Variants in INTS4 observed in about 807,000 individuals in gnomAD.
The protein encoded by INTS4 is MSTP093.
Under a neutral mutation model 119.5 loss-of-function variants are expected in INTS4, and 70 were observed. The ratio of observed to expected loss-of-function variants is 0.59; its 90% CI spans 0.48 to 0.71. The LOEUF is 0.71. Among genes scored for constraint, INTS4 ranks in the 30% least tolerant of loss-of-function variants. The probability of loss-of-function intolerance (pLI) is 0.00; values close to 1 mark genes in which losing one functional copy is unlikely to be tolerated. For missense variants in INTS4, 867 were observed against 1,173.2 expected (o/e 0.74, Z 3.81); for synonymous variants, 316 against 419.6 (o/e 0.75, Z 3.02).
At chr11:77,944,269 G>C (rs1358816253) in intron 8 of INTS4, among the ~76,000 whole-genome samples, 5 of 152,118 alleles carry the variant, frequency 3.3e-5, no homozygotes, top group African/African-American at 1.2e-4. Context: ...GCAGAACCTG[G>C]CTTCTGTTTT....
chr11:77,932,331 A>G (rs1417754588), intron 10 of INTS4, among the ~76,000 whole-genome samples: 2 of 152,372 alleles, frequency 1.3e-5, no homozygotes, highest in Middle Eastern at 3.4e-3. Flanking sequence ...GAAGACATTT[A>G]TGCGACCAAC....
At chr11:77,948,225 C>A (rs181800709) in intron 8 of INTS4, among the ~76,000 whole-genome samples, 1 of 152,134 alleles carries the variant, frequency 6.6e-6, no homozygotes, top group African/African-American at 2.4e-5. Context: ...GAAAATAAAG[C>A]GTGGCCCCAC....
At chr11:77,920,768 A>C (rs1591058040) in intron 14 of INTS4, among the ~76,000 whole-genome samples, 1 of 151,814 alleles carries the variant, frequency 6.6e-6, no homozygotes, top group East Asian at 1.9e-4. Context: ...AGGAGAATGG[A>C]GTGAACCTGG....
At chr11:77,917,020 G>A (rs752488176) in intron 15 of INTS4, among the ~76,000 whole-genome samples, 1 of 152,214 alleles carries the variant, frequency 6.6e-6, no homozygotes, top group Non-Finnish European at 1.5e-5. Context: ...TCAGTTGGCT[G>A]GCTTTATAAC....
intron 4 of INTS4, among the ~76,000 whole-genome samples, chr11:77,965,148 G>A (rs971933661): frequency 6.6e-6 from 1 of 151,926 alleles, no homozygotes; most frequent in African/African-American, 2.4e-5. Context: ...ACATAGCCTG[G>A]AACTCCTGGG....
chr11:77,910,196 A>G (rs1007242050), intron 15 of INTS4, among the ~76,000 whole-genome samples: 10 of 152,278 alleles, frequency 6.6e-5, no homozygotes, highest in African/African-American at 2.4e-4. Context: ...ACCAAGCCAA[A>G]TGTCCAACAA....
chr11:77,986,564 A>G (rs1263678438), intron 2 of INTS4, among the ~76,000 whole-genome samples: 1 of 152,220 alleles, frequency 6.6e-6, no homozygotes, highest in Admixed American at 6.5e-5. Context: ...ACTATTCACA[A>G]GAGCAAAGAC....
At chr11:77,945,814 C>T (rs1374333041) in intron 8 of INTS4, among the ~76,000 whole-genome samples, 3 of 152,174 alleles carry the variant, frequency 2.0e-5, no homozygotes, top group Admixed American at 1.3e-4. Flanking sequence ...AAACTGGCCA[C>T]GATAGAGTCC....
intron 15 of INTS4, among the ~76,000 whole-genome samples, chr11:77,913,466 C>T (rs1953134593): frequency 6.6e-6 from 1 of 151,998 alleles, no homozygotes; most frequent in South Asian, 2.1e-4. Flanking sequence ...CACCCGCCAC[C>T]ACGCCTGGCT....
At chr11:77,905,317 C>T (rs1291702461) in intron 16 of INTS4, among the ~76,000 whole-genome samples, 7 of 151,958 alleles carry the variant, frequency 4.6e-5, no homozygotes, top group South Asian at 2.1e-4. Context: ...ATTAGCCAGG[C>T]GTGGTGGTGC....
intron 9 of INTS4, among the ~76,000 whole-genome samples, chr11:77,940,740 T>C (rs1793338): frequency 0.39 from 59,074 of 151,820 alleles, 11,682 homozygotes; most frequent in African/African-American, 0.44. Flanking sequence ...AGGGTTCAAG[T>C]GATTCCCTGC....
intron 14 of INTS4, among the ~76,000 whole-genome samples, chr11:77,919,663 C>T (rs555463037): frequency 7.9e-5 from 12 of 152,308 alleles, no homozygotes; most frequent in Middle Eastern, 3.4e-3. Flanking sequence ...ATTTATATAG[C>T]ATATAATTTT....
At chr11:77,914,636 G>T (rs572400852) in intron 15 of INTS4, among the ~76,000 whole-genome samples, 1 of 152,182 alleles carries the variant, frequency 6.6e-6, no homozygotes, top group Admixed American at 6.5e-5. Context: ...TTTACAGGCC[G>T]TATGGTCTCT....
chr11:77,928,791 G>C (rs1050230311), intron 10 of INTS4, among the ~76,000 whole-genome samples: 7 of 152,148 alleles, frequency 4.6e-5, no homozygotes, highest in African/African-American at 1.4e-4. Context: ...AGAAATTACA[G>C]TTAGCCAAGG....
chr11:77,993,318 G>A (rs1023533805), intron 1 of INTS4, among the ~76,000 whole-genome samples: 3 of 152,214 alleles, frequency 2.0e-5, no homozygotes, highest in Non-Finnish European at 2.9e-5. Flanking sequence ...CTAAGCTCTC[G>A]CTGAGGTTTC....
chr11:77,941,276 T>A (rs1320246190), intron 8 of INTS4, 25 bp from the exon 9 acceptor site: 1 of 1,589,224 alleles, frequency 6.3e-7, no homozygotes, highest in Admixed American at 1.9e-5. Flanking sequence ...ATCCAGAGCA[T>A]ATAAAACAAC....
intron 10 of INTS4, among the ~76,000 whole-genome samples, chr11:77,936,837 G>A (rs552476065): frequency 4.6e-5 from 7 of 152,084 alleles, no homozygotes; most frequent in Admixed American, 1.3e-4. Context: ...TAATGCATGC[G>A]TAATGAAAGT....
intron 12 of INTS4, among the ~76,000 whole-genome samples, chr11:77,923,024 A>G (rs1468114724): frequency 5.9e-5 from 9 of 152,192 alleles, no homozygotes; most frequent in Non-Finnish European, 1.3e-4. Context: ...TCTTACAACT[A>G]TGAGAAGAAA....
intron 13 of INTS4, among the ~76,000 whole-genome samples, chr11:77,921,931 T>C (rs1456762868): frequency 1.3e-5 from 2 of 152,108 alleles, no homozygotes; most frequent in Non-Finnish European, 2.9e-5. Flanking sequence ...CTTGGGAGGC[T>C]GAGCCAGGAG....
Sources: allele counts gnomAD v4.1 joint callset (sites outside exome capture counted in the v4.1 genomes callset), GRCh38; gene constraint gnomAD v4.1.1; transcripts MANE v1.5; gene names NCBI Gene and HGNC (gene_info 2026-07-23, HGNC 2026-07-21).